Variants in OR6N1 observed in about 807,000 individuals in gnomAD.
OR6N1 encodes olfactory receptor family 6 subfamily N member 1.
For synonymous variants in OR6N1, 170 were observed against 150.7 expected, an observed-to-expected ratio of 1.13 and a Z score of -0.94; for missense variants, 394 against 371.7, an observed-to-expected ratio of 1.06 and a Z score of -0.49.
the OR6N1 span, among the ~76,000 whole-genome samples, chr1:158,794,033 A>T: frequency 6.6e-6 from 1 of 152,134 alleles, no homozygotes; most frequent in Non-Finnish European, 1.5e-5. Context: ...AGGAATCCTG[A>T]TGTTCTATGT....
the OR6N1 span, among the ~76,000 whole-genome samples, chr1:158,779,543 T>C: frequency 2.5e-3 from 381 of 152,332 alleles, 1 homozygote; most frequent in African/African-American, 8.8e-3. Context: ...GCAGTAGAAA[T>C]GAACTTCTGG....
At chr1:158,769,152 A>G (rs1023597506) in intron 1 of OR6N1, among the ~76,000 whole-genome samples, 1 of 151,734 alleles carries the variant, frequency 6.6e-6, no homozygotes, top group African/African-American at 2.4e-5. Context: ...ATTTCATAGA[A>G]CACATAATTT....
chr1:158,773,775 T>C (rs547703856), upstream of OR6N1, among the ~76,000 whole-genome samples: 1 of 152,246 alleles, frequency 6.6e-6, no homozygotes, highest in African/African-American at 2.4e-5. Context: ...AGTGCCTGCC[T>C]GAGAAAATTC....
At chr1:158,830,908 T>C in the OR6N1 span, among the ~76,000 whole-genome samples, 4 of 152,262 alleles carry the variant, frequency 2.6e-5, no homozygotes, top group East Asian at 7.7e-4. Flanking sequence ...TAGGTACTAT[T>C]TAAACAAAAA....
chr1:158,790,120 T>C, the OR6N1 span, among the ~76,000 whole-genome samples: 1 of 152,200 alleles, frequency 6.6e-6, no homozygotes, highest in East Asian at 1.9e-4. Flanking sequence ...ATGTTCGTGG[T>C]GTATTTGTCA....
chr1:158,794,504 GC>G, the OR6N1 span, among the ~76,000 whole-genome samples: 1 of 152,078 alleles, frequency 6.6e-6, no homozygotes, highest in African/African-American at 2.4e-5. Flanking sequence ...CACACTCCAC[GC>G]TGTTGCCAGG....
At chr1:158,838,556 T>C in the OR6N1 span, among the ~76,000 whole-genome samples, 3 of 152,130 alleles carry the variant, frequency 2.0e-5, no homozygotes, top group East Asian at 3.8e-4. Context: ...TAATGTGTCA[T>C]AGTGTAAGTT....
the OR6N1 span, among the ~76,000 whole-genome samples, chr1:158,819,928 C>T: frequency 6.6e-6 from 1 of 152,158 alleles, no homozygotes; most frequent in African/African-American, 2.4e-5. Context: ...TAAAGACACA[C>T]ACACAGAAAT....
the OR6N1 span, among the ~76,000 whole-genome samples, chr1:158,783,086 C>A: frequency 1.3e-5 from 2 of 152,298 alleles, no homozygotes; most frequent in East Asian, 3.9e-4. Flanking sequence ...TGTAACTCTG[C>A]ATTGTTCAAA....
In OR6N1 at chr1:158,766,534, C is replaced by T; in HGVS notation, c.149G>A (p.Cys50Tyr). Residue 50 changes from cysteine (C) to tyrosine (Y), a missense_variant, in exon 2 of 2, where the codon TGC becomes TAC. By Grantham distance (194) the Cys-to-Tyr change is radical. Transcript: ENST00000641846. ...LGNLLIFLVV[C>Y]LDSRLHTPMY... The stretch of plus-strand genomic sequence containing the variant: ...GGGTGTGTGAAGCCGGGAGTCCAGG[C>T]AGACCACCAGGAATATCAGCAGGTT... The T allele has an allele frequency of 6.2e-7, 1 of 1,614,010 alleles. No individual in the cohort carries two copies. The highest frequency in any genetic ancestry group is 8.5e-7 in the Non-Finnish European group (1 of 1,179,986).
At chr1:158,822,180 T>G in the OR6N1 span, among the ~76,000 whole-genome samples, 1 of 152,232 alleles carries the variant, frequency 6.6e-6, no homozygotes, top group Non-Finnish European at 1.5e-5. Context: ...TTACCTTGGC[T>G]ATTTGGGCTC....
the OR6N1 span, among the ~76,000 whole-genome samples, chr1:158,817,749 A>G: frequency 0.044 from 6,748 of 152,292 alleles, 216 homozygotes; most frequent in East Asian, 0.19. Context: ...CCCCCAAGGA[A>G]AGAGGCAGCA....
the OR6N1 span, among the ~76,000 whole-genome samples, chr1:158,818,869 G>A: frequency 6.6e-6 from 1 of 152,128 alleles, no homozygotes; most frequent in African/African-American, 2.4e-5. Context: ...TGGAGGACAT[G>A]GGTACCTCAG....
intron 1 of OR6N1, among the ~76,000 whole-genome samples, chr1:158,771,652 G>A (rs898549996): frequency 5.3e-5 from 8 of 152,170 alleles, no homozygotes; most frequent in African/African-American, 1.9e-4. Flanking sequence ...TTTAGGCATA[G>A]GGCCAAAGAT....
At chr1:158,794,305 C>T in the OR6N1 span, among the ~76,000 whole-genome samples, 1 of 152,178 alleles carries the variant, frequency 6.6e-6, no homozygotes, top group South Asian at 2.1e-4. Context: ...CCCAGCACTG[C>T]ACCTGTGCCT....
chr1:158,799,705 A>G, the OR6N1 span, among the ~76,000 whole-genome samples: 13 of 152,344 alleles, frequency 8.5e-5, no homozygotes, highest in African/African-American at 3.1e-4. Flanking sequence ...ATAATCAAGG[A>G]TCACAAAATT....
chr1:158,836,422 G>A, the OR6N1 span, among the ~76,000 whole-genome samples: 1,176 of 151,882 alleles, frequency 7.7e-3, 17 homozygotes, highest in African/African-American at 0.027. Flanking sequence ...ATGACTGTTC[G>A]GATTTTCTAT....
chr1:158,786,320 G>A, the OR6N1 span, among the ~76,000 whole-genome samples: 8 of 152,220 alleles, frequency 5.3e-5, no homozygotes, highest in East Asian at 1.3e-3. Flanking sequence ...TGCAAGAATG[G>A]CCATAATCAA....
At chr1:158,770,823 C>G (rs1297318020) in intron 1 of OR6N1, among the ~76,000 whole-genome samples, 1 of 152,190 alleles carries the variant, frequency 6.6e-6, no homozygotes, top group Non-Finnish European at 1.5e-5. Flanking sequence ...AACCCTCTGC[C>G]TGGATTTACA....
Sources: allele counts gnomAD v4.1 joint callset (sites outside exome capture counted in the v4.1 genomes callset), GRCh38; gene constraint gnomAD v4.1.1; transcripts MANE v1.5; gene names NCBI Gene and HGNC (gene_info 2026-07-23, HGNC 2026-07-21).